WWOX: variants seen among roughly 807,000 people sequenced by gnomAD.
The protein encoded by WWOX is WW domain-containing oxidoreductase.
In WWOX, 69 loss-of-function variants were observed where a neutral mutation model predicts 46.2. The observed-to-expected ratio is 1.49, with a 90% CI of 1.23 to 1.82. The LOEUF is 1.82. Ranked by LOEUF, WWOX falls within the 40% of genes most tolerant of loss-of-function variation. WWOX has a pLI of 0.00. For missense variants in WWOX, 919 were observed against 542.6 expected, an observed-to-expected ratio of 1.69 and a Z score of -6.89; for synonymous variants, 359 against 202.6, an observed-to-expected ratio of 1.77 and a Z score of -6.56.
At chr16:78,874,536 G>A (rs1158445099) in intron 8 of WWOX, among the ~76,000 whole-genome samples, 3 of 152,208 alleles carry the variant, frequency 2.0e-5, no homozygotes, top group South Asian at 2.1e-4. Flanking sequence ...TGGTATACAG[G>A]AAGAACTTGA....
chr16:78,957,619 G>A (rs377066626), intron 8 of WWOX, among the ~76,000 whole-genome samples: 5 of 152,046 alleles, frequency 3.3e-5, no homozygotes, highest in Admixed American at 6.6e-5. Context: ...ATGTCTCTTC[G>A]GATAGATTCT....
intron 5 of WWOX, among the ~76,000 whole-genome samples, chr16:78,266,505 T>C (rs1426103476): frequency 2.6e-5 from 4 of 152,200 alleles, no homozygotes; most frequent in African/African-American, 9.6e-5. Context: ...GTTCTTCTTA[T>C]TTGTCCCTTC....
At chr16:79,008,305 G>C (rs1351628653) in intron 8 of WWOX, among the ~76,000 whole-genome samples, 1 of 152,082 alleles carries the variant, frequency 6.6e-6, no homozygotes, top group Non-Finnish European at 1.5e-5. Flanking sequence ...CTTCAGTGAG[G>C]GCCCAGCCCC....
chr16:78,109,304 TAGTG>T (rs1488671985), intron 2 of WWOX, among the ~76,000 whole-genome samples: 1 of 151,698 alleles, frequency 6.6e-6, no homozygotes, highest in Non-Finnish European at 1.5e-5. Context: ...CTAGGCAACA[TAGTG>T]AGACCCCATC....
chr16:78,536,483 G>C (rs913440866), intron 8 of WWOX, among the ~76,000 whole-genome samples: 3 of 152,038 alleles, frequency 2.0e-5, no homozygotes, highest in African/African-American at 7.2e-5. Flanking sequence ...CTCTGCTTTA[G>C]GTCCTCTCTG....
intron 8 of WWOX, among the ~76,000 whole-genome samples, chr16:78,451,423 G>C (rs2083688737): frequency 6.6e-6 from 1 of 152,190 alleles, no homozygotes; most frequent in African/African-American, 2.4e-5. Flanking sequence ...GAGCTGAGAA[G>C]AGCATATTTG....
chr16:78,408,907 G>C (rs115032334), intron 6 of WWOX, among the ~76,000 whole-genome samples: 1,992 of 152,132 alleles, frequency 0.013, 42 homozygotes, highest in African/African-American at 0.046. Flanking sequence ...AAGTGTGTAA[G>C]CAGGGAACAG....
At chr16:79,026,612 C>CTTTTTTT (rs1324687983) in intron 8 of WWOX, among the ~76,000 whole-genome samples, 1 of 123,360 alleles carries the variant, frequency 8.1e-6, no homozygotes, top group African/African-American at 3.2e-5. Flanking sequence ...ATGTGGTAGA[C>CTTTTTTT]TCTTTTTTTT....
chr16:78,517,738 A>G lies in WWOX; in HGVS notation c.1056+84986A>G, dbSNP rs79334981. Among the ~76,000 whole-genome samples, 1,150 of 151,034 alleles carry G rather than the reference A, an allele frequency of 7.6e-3. 11 individuals carry two copies. Among genetic ancestry groups the G allele is most frequent in the African/African-American group, 0.026 (1,085 of 41,078 alleles). ...TTGGGACGGGTCTTAAACTAAACAC[A>G]TGTCACGTTATGGAGCTGTTTACCT... On this transcript the variant is annotated intron_variant, in intron 8 of 8. Transcript: ENST00000566780.
At chr16:78,406,307 T>A (rs866642027) in intron 6 of WWOX, among the ~76,000 whole-genome samples, 15 of 16,404 alleles carry the variant, frequency 9.1e-4, no homozygotes, top group Admixed American at 2.2e-3. Context: ...AATATAAATA[T>A]ATATATATAT....
intron 8 of WWOX, among the ~76,000 whole-genome samples, chr16:79,058,119 AACAAACAAAC>A (rs772987224): frequency 0.07 from 6,005 of 85,942 alleles, 370 homozygotes; most frequent in African/African-American, 0.29. Flanking sequence ...AAAAAAAAAA[AACAAACAAAC>A]AAAAAAAAAA....
intron 6 of WWOX, among the ~76,000 whole-genome samples, chr16:78,416,753 T>G (rs2082805769): frequency 6.6e-6 from 1 of 152,264 alleles, no homozygotes; most frequent in Non-Finnish European, 1.5e-5. Flanking sequence ...AATTTAATTT[T>G]GTCTTGTGGA....
At chr16:78,791,755 C>T (rs571794459) in intron 8 of WWOX, among the ~76,000 whole-genome samples, 1 of 151,990 alleles carries the variant, frequency 6.6e-6, no homozygotes, top group African/African-American at 2.4e-5. Context: ...TGGCGCCTGC[C>T]TATAATTGCA....
rs555563158 is a variant in WWOX at position 78,417,105 on chromosome 16, C to T, written c.606-7765C>T. On this transcript the variant is annotated intron_variant, in intron 6 of 8. Coordinates refer to ENST00000566780, the MANE Select transcript of WWOX (RefSeq NM_016373.4). ...ATTTTGAGACAGGGTGTTGCTCTTC[C>T]TCAGTTGCCCAGGCTGGAGATCAGT... Among the ~76,000 whole-genome samples the T allele has an allele frequency of 9.3e-5, 14 of 150,934 alleles. No individual in the cohort carries two copies. The East Asian group carries it at 1.7e-3, about 19-fold the overall frequency.
intron 8 of WWOX, among the ~76,000 whole-genome samples, chr16:78,476,598 AAT>A (rs929436531): frequency 1.6e-5 from 2 of 125,014 alleles, no homozygotes; most frequent in Non-Finnish European, 3.3e-5. Context: ...TAGAACTGAA[AAT>A]ATAATAAAAA....
intron 8 of WWOX, among the ~76,000 whole-genome samples, chr16:78,692,280 C>A (rs975334124): frequency 6.6e-6 from 1 of 152,166 alleles, no homozygotes; most frequent in Non-Finnish European, 1.5e-5. Context: ...AGAGAAGCAA[C>A]AACTTTTGTT....
chr16:79,039,336 C>T (rs1007579035), intron 8 of WWOX, among the ~76,000 whole-genome samples: 1 of 152,112 alleles, frequency 6.6e-6, no homozygotes, highest in African/African-American at 2.4e-5. Context: ...GTCACCTCAT[C>T]TGTAAGGGAG....
chr16:78,704,592 A>C (rs1456425540), intron 8 of WWOX, among the ~76,000 whole-genome samples: 1 of 152,194 alleles, frequency 6.6e-6, no homozygotes, highest in Non-Finnish European at 1.5e-5. Context: ...AATTTCCATT[A>C]GGAGATTTGC....
intron 8 of WWOX, among the ~76,000 whole-genome samples, chr16:78,647,898 T>C (rs939120339): frequency 1.8e-4 from 28 of 152,276 alleles, no homozygotes; most frequent in Non-Finnish European, 1.0e-4. Context: ...TAGAGGCTTT[T>C]ATTGCTATTT....
Sources: allele counts gnomAD v4.1 joint callset (sites outside exome capture counted in the v4.1 genomes callset), GRCh38; gene constraint gnomAD v4.1.1; transcripts MANE v1.5; gene names NCBI Gene and HGNC (gene_info 2026-07-23, HGNC 2026-07-21).